NCKAP5: variants seen among roughly 807,000 people sequenced by gnomAD.
NCKAP5 encodes nck-associated protein 5.
Under a neutral mutation model 167.0 loss-of-function variants are expected in NCKAP5, and 92 were observed. That is an observed-to-expected ratio of 0.55 (90% CI 0.47 to 0.66). The LOEUF (loss-of-function observed/expected upper bound fraction) is 0.66. NCKAP5 is among the 30% of genes least tolerant of loss of function. The pLI is 0.00. For missense variants in NCKAP5, 2,378 were observed against 2,315.0 expected, an observed-to-expected ratio of 1.03 and a Z score of -0.56; for synonymous variants, 891 against 877.4, an observed-to-expected ratio of 1.02 and a Z score of -0.27.
At position 132,784,548 on chromosome 2, in the gene NCKAP5, A is replaced by T; in HGVS notation, c.2263T>A (p.Ser755Thr). The T allele has an allele frequency of 1.3e-6, 2 of 1,568,902 alleles. No homozygotes were observed. Among genetic ancestry groups the T allele is most frequent in the Non-Finnish European group, 8.6e-7 (1 of 1,157,998 alleles). The stretch of plus-strand genomic sequence containing the variant: ...GTCCTGGAGCTGAAAGATTCAGTGG[A>T]CACCCTGGGAACATTATCTACATTA... ...KDNVDNVPRV[S>T]TESFSSRTVT... Residue 755 changes from serine to threonine, a missense_variant, in exon 14 of 20, where the codon TCC becomes ACC. Transcript: ENST00000409261.
intron 8 of NCKAP5, among the ~76,000 whole-genome samples, chr2:132,887,757 C>T (rs1692367891): frequency 1.3e-5 from 2 of 152,182 alleles, no homozygotes; most frequent in Admixed American, 1.3e-4. Context: ...AGTGATCCTC[C>T]CGCCTCAGCC....
intron 7 of NCKAP5, among the ~76,000 whole-genome samples, chr2:132,971,981 C>T (rs1484344269): frequency 6.6e-6 from 1 of 152,182 alleles, no homozygotes; most frequent in Non-Finnish European, 1.5e-5. Context: ...ACATAAATCA[C>T]TTTTACTTTA....
At chr2:132,885,024 G>A (rs1186629443) in intron 8 of NCKAP5, among the ~76,000 whole-genome samples, 1 of 152,172 alleles carries the variant, frequency 6.6e-6, no homozygotes. Context: ...TATGGTTACT[G>A]TGTTCAGTTA....
intron 11 of NCKAP5, among the ~76,000 whole-genome samples, chr2:132,841,291 C>T (rs996117621): frequency 6.6e-6 from 1 of 151,952 alleles, no homozygotes; most frequent in African/African-American, 2.4e-5. Context: ...TAATTTTAGT[C>T]CTTACCTTGA....
At chr2:133,483,544 A>C (rs984413045) in intron 3 of NCKAP5, among the ~76,000 whole-genome samples, 7 of 151,762 alleles carry the variant, frequency 4.6e-5, no homozygotes, top group Non-Finnish European at 7.4e-5. Context: ...GGGTTTACAA[A>C]AGAAAAGATG....
chr2:133,534,079 T>G (rs1685571749), intron 2 of NCKAP5, among the ~76,000 whole-genome samples: 1 of 152,006 alleles, frequency 6.6e-6, no homozygotes, highest in Non-Finnish European at 1.5e-5. Context: ...GTAGATGGTT[T>G]CAGTGGAGGT....
At chr2:132,864,948 G>A (rs16842747) in intron 10 of NCKAP5, among the ~76,000 whole-genome samples, 5,835 of 152,056 alleles carry the variant, frequency 0.038, 285 homozygotes, top group East Asian at 0.13. Flanking sequence ...GCACAAAATT[G>A]GGCTTCTGTT....
intron 8 of NCKAP5, among the ~76,000 whole-genome samples, chr2:132,881,583 A>T: frequency 1.0e-5 from 1 of 100,372 alleles, no homozygotes; most frequent in African/African-American, 4.3e-5. Context: ...CTTTCTGAGT[A>T]GAGGCCAGTT....
rs114599042 is a variant in NCKAP5, at chr2:133,130,306, T to C, written c.208-195A>G. Among the ~76,000 whole-genome samples the C allele has an allele frequency of 4.8e-4, 73 of 152,330 alleles. No homozygotes were observed. In the South Asian group the frequency reaches 0.01, roughly 22 times the overall value. On this transcript the variant is annotated intron_variant, in intron 5 of 19. Transcript: ENST00000409261. The stretch of plus-strand genomic sequence containing the variant: ...GGATCAGAGACACCTAAGTAATTTG[T>C]GCAAGGTCATATAAACCAGAAGGTA...
chr2:133,270,723 A>C (rs1040796673), intron 4 of NCKAP5, among the ~76,000 whole-genome samples: 2 of 152,022 alleles, frequency 1.3e-5, no homozygotes, highest in African/African-American at 2.4e-5. Context: ...ATAGGGTGTA[A>C]CCTTTGTAAC....
intron 5 of NCKAP5, among the ~76,000 whole-genome samples, chr2:133,182,890 G>T (rs1170139980): frequency 1.3e-5 from 2 of 151,998 alleles, no homozygotes; most frequent in Non-Finnish European, 1.5e-5. Flanking sequence ...AAAGAGAAAA[G>T]ACACAAATTA....
At chr2:133,349,862 G>A (rs987155940) in intron 3 of NCKAP5, among the ~76,000 whole-genome samples, 8 of 152,046 alleles carry the variant, frequency 5.3e-5, no homozygotes, top group Non-Finnish European at 1.0e-4. Context: ...TGTGTTTCTG[G>A]CTGGCCTATC....
intron 2 of NCKAP5, among the ~76,000 whole-genome samples, chr2:133,542,388 AT>A (rs1454854928): frequency 3.3e-5 from 5 of 152,308 alleles, no homozygotes; most frequent in Admixed American, 2.0e-4. Context: ...CTTATTGGAC[AT>A]GTAGGTGGTT....
chr2:132,811,905 G>C (rs974543361), intron 11 of NCKAP5, among the ~76,000 whole-genome samples: 6 of 152,304 alleles, frequency 3.9e-5, no homozygotes, highest in Non-Finnish European at 5.9e-5. Flanking sequence ...GTGCCAGGCA[G>C]GAAGGGGCTG....
At chr2:133,086,268 A>C (rs1396514092) in intron 6 of NCKAP5, among the ~76,000 whole-genome samples, 2 of 152,174 alleles carry the variant, frequency 1.3e-5, no homozygotes, top group African/African-American at 4.8e-5. Flanking sequence ...AGTGGAGAAA[A>C]TATCTAAACA....
chr2:132,693,452 G>C (rs1199605611), intron 19 of NCKAP5, among the ~76,000 whole-genome samples: 1 of 151,902 alleles, frequency 6.6e-6, no homozygotes, highest in Non-Finnish European at 1.5e-5. Context: ...CAGACACAGA[G>C]AGAAAACAGA....
chr2:132,858,972 T>C (rs550975955), intron 11 of NCKAP5, among the ~76,000 whole-genome samples: 1 of 152,162 alleles, frequency 6.6e-6, no homozygotes, highest in Non-Finnish European at 1.5e-5. Context: ...ATCAGGAACA[T>C]GCAACAGCTT....
the NCKAP5 span, among the ~76,000 whole-genome samples, chr2:133,626,550 A>G: frequency 6.6e-6 from 1 of 152,146 alleles, no homozygotes; most frequent in East Asian, 1.9e-4. Context: ...ACTTATTTGA[A>G]TTCTCATTCA....
At chr2:133,257,056 C>A (rs977801960) in intron 4 of NCKAP5, among the ~76,000 whole-genome samples, 20 of 152,060 alleles carry the variant, frequency 1.3e-4, no homozygotes, top group African/African-American at 3.9e-4. Context: ...ATGTAGACAG[C>A]CAAAAAAGAA....
Sources: allele counts gnomAD v4.1 joint callset (sites outside exome capture counted in the v4.1 genomes callset), GRCh38; gene constraint gnomAD v4.1.1; transcripts MANE v1.5; gene names NCBI Gene and HGNC (gene_info 2026-07-23, HGNC 2026-07-21).